The following PXDNL variants were observed in gnomAD, a reference collection of about 807,000 sequenced individuals.
PXDNL encodes peroxidasin like, also known as probable oxidoreductase PXDNL.
Under a neutral mutation model 150.8 loss-of-function variants are expected in PXDNL, and 145 were observed. That is an observed-to-expected ratio of 0.96 (90% CI 0.84 to 1.10). The LOEUF (loss-of-function observed/expected upper bound fraction) is 1.10. PXDNL is among the 50% of genes least tolerant of loss of function. The probability of loss-of-function intolerance (pLI) is 0.00; values close to 1 mark genes in which losing one functional copy is unlikely to be tolerated. For synonymous variants in PXDNL, 757 were observed against 725.7 expected (o/e 1.04, Z -0.69); for missense variants, 2,087 against 1,873.9 (o/e 1.11, Z -2.10).
At chr8:51,701,485 G>T (rs1156890435) in intron 1 of PXDNL, among the ~76,000 whole-genome samples, 1 of 152,078 alleles carries the variant, frequency 6.6e-6, no homozygotes, top group Non-Finnish European at 1.5e-5. Context: ...CCAGGGCTTA[G>T]CTTTCAGGCC....
intron 15 of PXDNL, among the ~76,000 whole-genome samples, chr8:51,411,794 C>G (rs554974072): frequency 2.0e-5 from 3 of 152,024 alleles, no homozygotes; most frequent in Admixed American, 6.5e-5. Flanking sequence ...TGTGTCTTCT[C>G]TTTCCCTGAG....
chr8:51,735,501 A>G (rs1198146899), intron 1 of PXDNL, among the ~76,000 whole-genome samples: 3 of 150,286 alleles, frequency 2.0e-5, no homozygotes, highest in Non-Finnish European at 4.4e-5. Flanking sequence ...ATAAATAAAT[A>G]AAATTAATTA....
chr8:51,804,419 A>G (rs1046183299), intron 1 of PXDNL, among the ~76,000 whole-genome samples: 1 of 150,420 alleles, frequency 6.6e-6, no homozygotes, highest in Non-Finnish European at 1.5e-5. Flanking sequence ...TTGCTTTCAC[A>G]CTCTCCATGA....
intron 20 of PXDNL, among the ~76,000 whole-genome samples, chr8:51,343,027 G>A (rs1037369027): frequency 6.6e-6 from 1 of 152,064 alleles, no homozygotes; most frequent in African/African-American, 2.4e-5. Flanking sequence ...AGCCCAGGTA[G>A]GAAGGTTATT....
intron 1 of PXDNL, among the ~76,000 whole-genome samples, chr8:51,721,005 C>A (rs1816720237): frequency 6.6e-6 from 1 of 152,222 alleles, no homozygotes; most frequent in Non-Finnish European, 1.5e-5. Flanking sequence ...GTGGCTCTTC[C>A]AGATAGTGAC....
intron 2 of PXDNL, among the ~76,000 whole-genome samples, chr8:51,617,633 C>T (rs1814158692): frequency 6.6e-6 from 1 of 152,220 alleles, no homozygotes; most frequent in Non-Finnish European, 1.5e-5. Context: ...TAAGCTGGTG[C>T]TCTCTGAGTG....
chr8:51,345,981 G>A (rs1185565422), intron 19 of PXDNL, 34 bp from the exon 20 acceptor site: 5 of 1,265,210 alleles, frequency 4.0e-6, no homozygotes, highest in Non-Finnish European at 5.8e-6. Context: ...ATAGCATCAT[G>A]TGAGATGCGA....
intron 1 of PXDNL, among the ~76,000 whole-genome samples, chr8:51,661,537 G>T (rs1815269129): frequency 6.6e-6 from 1 of 152,230 alleles, no homozygotes; most frequent in South Asian, 2.1e-4. Flanking sequence ...CTGAGGAAGA[G>T]GGAAGCTGTC....
At chr8:51,639,886 A>C (rs952712360) in intron 2 of PXDNL, among the ~76,000 whole-genome samples, 142 of 152,178 alleles carry the variant, frequency 9.3e-4, no homozygotes, top group African/African-American at 3.2e-3. Flanking sequence ...CAAAGCCAGG[A>C]AGAGACGCAA....
chr8:51,711,911 T>C (rs1816509309), intron 1 of PXDNL, among the ~76,000 whole-genome samples: 1 of 152,276 alleles, frequency 6.6e-6, no homozygotes, highest in South Asian at 2.1e-4. Flanking sequence ...TAGGTCCTGC[T>C]GCTTGCAGCA....
At chr8:51,528,263 A>G (rs1294610231) in intron 4 of PXDNL, among the ~76,000 whole-genome samples, 2 of 144,804 alleles carry the variant, frequency 1.4e-5, no homozygotes, top group African/African-American at 2.4e-5. Flanking sequence ...TAAAGATGCA[A>G]ATAATTTCAC....
At chr8:51,343,034 T>G (rs1806035898) in intron 20 of PXDNL, among the ~76,000 whole-genome samples, 1 of 152,062 alleles carries the variant, frequency 6.6e-6, no homozygotes, top group Non-Finnish European at 1.5e-5. Flanking sequence ...GTAGGAAGGT[T>G]ATTGCAAAAA....
intron 1 of PXDNL, among the ~76,000 whole-genome samples, chr8:51,655,159 A>T (rs899171054): frequency 2.0e-5 from 3 of 152,240 alleles, no homozygotes; most frequent in African/African-American, 7.2e-5. Flanking sequence ...TCAACTCAAC[A>T]CCACTGTTTG....
In PXDNL at chr8:51,483,682, G is replaced by A; in HGVS notation, c.485C>T (p.Pro162Leu). ...ATCCAGATTAGAAAAGCTCCCAGCT[G>A]GAATTTTAGATAATTTGTTGTTATG... ...FLHNNKLSKI[P>L]AGSFSNLDSL... Residue 162 changes from proline (P) to leucine (L), a missense_variant, in exon 6 of 23, where the codon CCA becomes CTA. Coordinates refer to ENST00000356297, the MANE Select transcript of PXDNL (RefSeq NM_144651.5). 6.6e-7 allele frequency: 1 copy of A among 1,519,264 alleles called. No individual in the cohort carries two copies. Among genetic ancestry groups the A allele is most frequent in the African/African-American group, 1.4e-5 (1 of 71,704 alleles). 94.1% of individuals were successfully genotyped at this position (1,519,264 alleles called of 1,614,324 possible).
At chr8:51,546,489 C>T (rs1278888785) in intron 4 of PXDNL, among the ~76,000 whole-genome samples, 1 of 152,162 alleles carries the variant, frequency 6.6e-6, no homozygotes, top group Non-Finnish European at 1.5e-5. Flanking sequence ...GAAGCCATTC[C>T]TAGCCTTACC....
intron 2 of PXDNL, among the ~76,000 whole-genome samples, chr8:51,599,824 C>T (rs865837938): frequency 2.4e-4 from 32 of 133,984 alleles, no homozygotes; most frequent in African/African-American, 6.9e-4. Flanking sequence ...ATATAAATGA[C>T]ATCGTTTAGA....
At chr8:51,455,546 G>A (rs1432922894) in intron 9 of PXDNL, among the ~76,000 whole-genome samples, 1 of 152,114 alleles carries the variant, frequency 6.6e-6, no homozygotes, top group African/African-American at 2.4e-5. Context: ...AGGGCACGGG[G>A]GACTAGAGAA....
intron 1 of PXDNL, among the ~76,000 whole-genome samples, chr8:51,705,841 G>GTGTGTGTA (rs1816366646): frequency 1.8e-5 from 1 of 56,488 alleles, no homozygotes; most frequent in African/African-American, 8.2e-5. Flanking sequence ...GTGCGCGCGC[G>GTGTGTGTA]CGCGCGCGCG....
intron 7 of PXDNL, among the ~76,000 whole-genome samples, chr8:51,473,274 AACACAC>A (rs1164131411): frequency 3.6e-3 from 478 of 134,026 alleles, no homozygotes; most frequent in Middle Eastern, 0.012. Context: ...GTAGAAAATA[AACACAC>A]ACACACACAC....
Sources: allele counts gnomAD v4.1 joint callset (sites outside exome capture counted in the v4.1 genomes callset), GRCh38; gene constraint gnomAD v4.1.1; transcripts MANE v1.5; gene names NCBI Gene and HGNC (gene_info 2026-07-23, HGNC 2026-07-21).